Variants in ZRANB3 observed in about 807,000 individuals in gnomAD.
ZRANB3 encodes the protein DNA annealing helicase and endonuclease ZRANB3.
ZRANB3 carries 125 observed loss-of-function variants against 133.8 expected under a neutral mutation model. The observed-to-expected ratio is 0.93, with a 90% CI of 0.81 to 1.08. The LOEUF is 1.08. ZRANB3 is among the 50% of genes least tolerant of loss of function. The pLI, the probability that ZRANB3 is intolerant of heterozygous loss-of-function variation, is 0.00. For synonymous variants in ZRANB3, 387 were observed against 432.7 expected (o/e 0.89, Z 1.31); for missense variants, 1,229 against 1,275.5 (o/e 0.96, Z 0.56).
intron 2 of ZRANB3, among the ~76,000 whole-genome samples, chr2:135,499,238 T>A (rs768336403): frequency 2.0e-4 from 30 of 152,162 alleles, no homozygotes; most frequent in African/African-American, 7.0e-4. Flanking sequence ...AAAGGACCCA[T>A]GTTGAATACT....
chr2:135,244,674 A>C (rs953611585), intron 12 of ZRANB3, among the ~76,000 whole-genome samples: 2 of 152,112 alleles, frequency 1.3e-5, no homozygotes, highest in African/African-American at 4.8e-5. Flanking sequence ...CCCCACAAAA[A>C]AAGAATTCTC....
At chr2:135,217,170 G>A (rs1373253134) in intron 17 of ZRANB3, among the ~76,000 whole-genome samples, 3 of 152,130 alleles carry the variant, frequency 2.0e-5, no homozygotes, top group African/African-American at 7.2e-5. Context: ...GCTAATAAGT[G>A]TCCCAGGCTT....
chr2:135,403,208 A>C (rs1687824542), intron 2 of ZRANB3, among the ~76,000 whole-genome samples: 1 of 152,136 alleles, frequency 6.6e-6, no homozygotes, highest in Admixed American at 6.5e-5. Flanking sequence ...TTCTAGTCAA[A>C]CAAAGGGGTG....
At chr2:135,347,359 C>A (rs1241398799) in intron 5 of ZRANB3, among the ~76,000 whole-genome samples, 1 of 146,204 alleles carries the variant, frequency 6.8e-6, no homozygotes. Flanking sequence ...GTGGTGCGAT[C>A]TCGGCTCACT....
At chr2:135,403,423 C>T (rs958102301) in intron 2 of ZRANB3, among the ~76,000 whole-genome samples, 12 of 152,178 alleles carry the variant, frequency 7.9e-5, no homozygotes, top group African/African-American at 2.7e-4. Context: ...CCCGCCATTG[C>T]GGAGGCTTGA....
intron 8 of ZRANB3, among the ~76,000 whole-genome samples, chr2:135,292,269 C>T (rs981951698): frequency 6.6e-6 from 1 of 152,278 alleles, no homozygotes; most frequent in South Asian, 2.1e-4. Flanking sequence ...TGTTTCCTGA[C>T]ATTTTAATGA....
chr2:135,530,241 T>C (rs2104855108), intron 1 of ZRANB3, among the ~76,000 whole-genome samples: 1 of 150,954 alleles, frequency 6.6e-6, no homozygotes, highest in East Asian at 1.9e-4. Flanking sequence ...TCTGTAAATG[T>C]AGTTCAGAAC....
intron 2 of ZRANB3, among the ~76,000 whole-genome samples, chr2:135,451,562 A>T (rs1235531590): frequency 6.7e-6 from 1 of 149,210 alleles, no homozygotes; most frequent in East Asian, 2.0e-4. Context: ...ACTCCATCTC[A>T]AAAAAACAAA....
intron 12 of ZRANB3, among the ~76,000 whole-genome samples, chr2:135,231,176 T>C (rs1479540562): frequency 6.6e-6 from 1 of 152,186 alleles, no homozygotes; most frequent in Non-Finnish European, 1.5e-5. Context: ...ATTTAACATA[T>C]ATTAACTCAT....
intron 2 of ZRANB3, among the ~76,000 whole-genome samples, chr2:135,417,046 A>G (rs1688611592): frequency 6.6e-6 from 1 of 152,348 alleles, no homozygotes; most frequent in South Asian, 2.1e-4. Context: ...GGACACAGGC[A>G]TGGGCAAGGA....
chr2:135,289,826 C>T (rs1456788227), intron 8 of ZRANB3, among the ~76,000 whole-genome samples: 2 of 152,224 alleles, frequency 1.3e-5, no homozygotes, highest in Non-Finnish European at 1.5e-5. Flanking sequence ...TTGCTTGAAC[C>T]CAGGAGGCAG....
intron 8 of ZRANB3, among the ~76,000 whole-genome samples, chr2:135,293,235 T>C (rs1162897288): frequency 6.6e-6 from 1 of 152,174 alleles, no homozygotes; most frequent in Non-Finnish European, 1.5e-5. Flanking sequence ...GAGCATGGAA[T>C]GTTCTTCCAT....
At chr2:135,232,234 AG>A (rs2105070280) in intron 12 of ZRANB3, among the ~76,000 whole-genome samples, 1 of 152,322 alleles carries the variant, frequency 6.6e-6, no homozygotes, top group South Asian at 2.1e-4. Context: ...GGCTGCAGTG[AG>A]GCTGGGGGAG....
chr2:135,293,391 C>G (rs1321665623), intron 8 of ZRANB3, among the ~76,000 whole-genome samples: 3 of 151,932 alleles, frequency 2.0e-5, no homozygotes, highest in Non-Finnish European at 2.9e-5. Flanking sequence ...ATTTGGCTCT[C>G]TGTTTGTCTG....
intron 2 of ZRANB3, among the ~76,000 whole-genome samples, chr2:135,481,566 G>A (rs1293356774): frequency 1.3e-5 from 2 of 151,904 alleles, no homozygotes; most frequent in Non-Finnish European, 2.9e-5. Flanking sequence ...TTTGTAGGTT[G>A]CCTGTTCACT....
At chr2:135,214,142 A>G (rs957769049) in intron 17 of ZRANB3, among the ~76,000 whole-genome samples, 4 of 152,252 alleles carry the variant, frequency 2.6e-5, no homozygotes, top group African/African-American at 9.6e-5. Flanking sequence ...GAGCATTACT[A>G]GAAAACTAGT....
At chr2:135,236,897 A>C (rs1345843157) in intron 12 of ZRANB3, among the ~76,000 whole-genome samples, 1 of 152,238 alleles carries the variant, frequency 6.6e-6, no homozygotes, top group Non-Finnish European at 1.5e-5. Context: ...CTTCATGTCT[A>C]AAACACCAAA....
chr2:135,350,220 A>G lies in ZRANB3; in HGVS notation c.360-5T>C. ...ACTTTACTGGTCGACATTCTCCTAG[A>G]AAAGAAAATCCATGTACTTAAAAAA... On this transcript the variant is annotated splice_polypyrimidine_tract_variant and splice_region_variant and intron_variant, in intron 4 of 20. Coordinates refer to ENST00000264159, the MANE Select transcript of ZRANB3 (RefSeq NM_032143.4). 2 of 1,566,092 alleles carry G rather than the reference A, an allele frequency of 1.3e-6. No homozygotes were observed. The highest frequency in any genetic ancestry group is 1.7e-6 in the Non-Finnish European group (2 of 1,153,196).
At chr2:135,344,483 C>T (rs994493188) in intron 6 of ZRANB3, among the ~76,000 whole-genome samples, 1 of 152,162 alleles carries the variant, frequency 6.6e-6, no homozygotes, top group South Asian at 2.1e-4. Context: ...AGCCTGTAAT[C>T]CCAGCACTTC....
Sources: gnomAD v4.1 joint callset for allele counts (sites outside exome capture counted in the v4.1 genomes callset) on GRCh38, gnomAD v4.1.1 for gene constraint, MANE v1.5 for transcripts, NCBI Gene and HGNC (gene_info 2026-07-23, HGNC 2026-07-21) for gene names.